Variants in PTPN6 observed in about 807,000 individuals in gnomAD.
The protein encoded by PTPN6 is protein tyrosine phosphatase non-receptor type 6.
PTPN6 carries 18 observed loss-of-function variants against 81.5 expected under a neutral mutation model. The ratio of observed to expected loss-of-function variants is 0.22; its 90% CI spans 0.15 to 0.33. The LOEUF is 0.33. Ranked by LOEUF, PTPN6 falls within the 10% of genes least tolerant of loss-of-function variation. PTPN6 has a pLI of 1.00. For synonymous variants in PTPN6, 301 were observed against 310.9 expected, an observed-to-expected ratio of 0.97 and a Z score of 0.33; for missense variants, 500 against 794.2, an observed-to-expected ratio of 0.63 and a Z score of 4.45.
At position 6,956,239 on chromosome 12, in the gene PTPN6, CGT is replaced by C; in HGVS notation, c.924+20_924+21del. ...ACATCAAGGTCAGCAGTGTGGGCCACGTGGGAGGAGAGGCTGGGCCCTGGGAA... is the reference window on the plus strand; with the variant it reads ...ACATCAAGGTCAGCAGTGTGGGCCACGGGAGGAGAGGCTGGGCCCTGGGAA... On this transcript the variant is annotated intron_variant, in intron 8 of 15. Transcript: ENST00000318974. This position sits in a 1 kb window ranked among gnomAD's most constrained non-coding sequence, Gnocchi z 4.1. The C allele has an allele frequency of 6.2e-7, 1 of 1,613,484 alleles. No individual in the cohort carries two copies. Among genetic ancestry groups the C allele is most frequent in the Non-Finnish European group, 8.5e-7 (1 of 1,179,416 alleles).
chr12:6,947,505 A>G (rs1945845817), upstream of PTPN6, among the ~76,000 whole-genome samples: 1 of 151,968 alleles, frequency 6.6e-6, no homozygotes, highest in Non-Finnish European at 1.5e-5. Flanking sequence ...CCCTGTCTCT[A>G]CAAAAAATAA....
rs782463859 is a variant in PTPN6 at position 6,960,924 on chromosome 12, G to T, written c.*4G>T. On this transcript the variant is annotated 3_prime_UTR_variant, in exon 15 of 16. Transcript: ENST00000318974. The surrounding 1 kb of genome is among the most constrained non-coding windows in gnomAD (Gnocchi z 6.1). ...GGGTTCCCTCAAGAGGAAGTGAGCG[G>T]TGCTGTCCTCAGGTGGCCATGGTAC... The T allele has an allele frequency of 6.4e-7, 1 of 1,562,236 alleles. No individual in the cohort carries two copies. Among genetic ancestry groups the T allele is most frequent in the South Asian group, 1.2e-5 (1 of 84,946 alleles).
chr12:6,956,715 C>T lies in PTPN6; in HGVS notation c.1074+147C>T, dbSNP rs1262841464. 1.2e-5 allele frequency: 13 copies of T among 1,097,544 alleles called. No homozygotes were observed. Among genetic ancestry groups the T allele is most frequent in the African/African-American group, 1.6e-5 (1 of 64,458 alleles). The allele number at this position is 1,097,544 out of a possible 1,614,324, so 68.0% of individuals were successfully genotyped here. ...AAACTGAGGGCTAGTGACAAAGTCTCGACTACACAACGTGACCCCCAGATC... is the reference window on the plus strand; with the variant it reads ...AAACTGAGGGCTAGTGACAAAGTCTTGACTACACAACGTGACCCCCAGATC... On this transcript the variant is annotated intron_variant, in intron 9 of 15. Coordinates refer to ENST00000318974, the MANE Select transcript of PTPN6 (RefSeq NM_002831.6). This position sits in a 1 kb window ranked among gnomAD's most constrained non-coding sequence, Gnocchi z 4.1.
chr12:6,961,194 A>G lies in PTPN6; in HGVS notation c.*94A>G. 3 of 524,460 alleles carry G rather than the reference A, an allele frequency of 5.7e-6. No individual in the cohort carries two copies. The highest frequency in any genetic ancestry group is 1.0e-5 in the Non-Finnish European group (3 of 295,398). 32.5% of individuals were successfully genotyped at this position (524,460 alleles called of 1,614,324 possible). On this transcript the variant is annotated 3_prime_UTR_variant, in exon 16 of 16. Coordinates refer to ENST00000318974, the MANE Select transcript of PTPN6 (RefSeq NM_002831.6). Reference sequence around the variant, plus strand: ...CACAACCTGAACCTAGGAGTGCCCCATTCTTTTGTAATTTAAATGGCTGCA... The same window carrying G: ...CACAACCTGAACCTAGGAGTGCCCCGTTCTTTTGTAATTTAAATGGCTGCA...
rs782407525 is a variant in PTPN6, at chr12:6,951,857, C to T, written c.131+126C>T. 1.3e-5 allele frequency: 21 copies of T among 1,568,552 alleles called. No homozygotes were observed. The highest frequency in any genetic ancestry group is 3.4e-5 in the Admixed American group (2 of 59,154). On this transcript the variant is annotated intron_variant, in intron 2 of 15. Transcript: ENST00000318974. The surrounding 1 kb of genome is among the most constrained non-coding windows in gnomAD (Gnocchi z 7.2). ...CCGTCTGTTCCCTTGCCCCCAACCC[C>T]CACACTCCCCATCCCTGTCTGTGCC...
upstream of PTPN6, chr12:6,951,217 G>A: frequency 1.4e-6 from 2 of 1,417,076 alleles, no homozygotes; most frequent in East Asian, 5.2e-5. The surrounding 1 kb of genome is among the most constrained non-coding windows in gnomAD (Gnocchi z 7.2). Context: ...TGTGGGAAGT[G>A]GGCCCCGTCC....
Position 6,951,720 on chromosome 12 carries a change from G to C in PTPN6, c.120G>C (p.Ser40=), listed in dbSNP as rs1555147777. 1 of 1,612,510 alleles carries C rather than the reference G, an allele frequency of 6.2e-7. No homozygotes were observed. The highest frequency in any genetic ancestry group is 1.3e-5 in the African/African-American group (1 of 74,832). ...GTCGCAAGAACCAGGGTGACTTCTC[G>C]CTCTCCGTCAGGTAGGTGGGCCCCC... ...RPSRKNQGDF[S]LSVRVGDQVT... The change falls in exon 2 of 16, where the codon TCG becomes TCC. Residue 40 remains serine (S), a synonymous_variant. Coordinates refer to ENST00000318974, the MANE Select transcript of PTPN6 (RefSeq NM_002831.6). This position sits in a 1 kb window ranked among gnomAD's most constrained non-coding sequence, Gnocchi z 7.2.
chr12:6,951,498 C>T lies in PTPN6; in HGVS notation c.-15C>T, dbSNP rs1555147710. ...CTCATTCCCTGCGCCCCCTTCCTCT[C>T]CGGAAGCCCCCAGGATGGTGAGGTA... On this transcript the variant is annotated 5_prime_UTR_variant, in exon 1 of 16. Transcript: ENST00000318974. This position sits in a 1 kb window ranked among gnomAD's most constrained non-coding sequence, Gnocchi z 7.2. 6.2e-7 allele frequency: 1 copy of T among 1,613,916 alleles called. No individual in the cohort carries two copies. The highest frequency in any genetic ancestry group is 1.3e-5 in the African/African-American group (1 of 75,046).
At position 6,955,605 on chromosome 12, in the gene PTPN6, C is replaced by A; in HGVS notation, c.748-55C>A. 6.3e-7 allele frequency: 1 copy of A among 1,589,556 alleles called. No homozygotes were observed. The highest frequency in any genetic ancestry group is 8.6e-7 in the Non-Finnish European group (1 of 1,158,050). On this transcript the variant is annotated intron_variant, in intron 6 of 15. Coordinates refer to ENST00000318974, the MANE Select transcript of PTPN6 (RefSeq NM_002831.6). This position sits in a 1 kb window ranked among gnomAD's most constrained non-coding sequence, Gnocchi z 7.2. ...CTCCTGACCCACCCCACGTGAGCTC[C>A]CCCGATGGATGCCCTCTTTGGGAGC...
chr12:6,960,146 G>A lies in PTPN6; in HGVS notation c.1488G>A (p.Ser496=), dbSNP rs200112594. ...TCCAGATGGTGCGGGCGCAGCGCTC[G>A]GGCATGGTGCAGACGGAGGCGCAGT... The part of the protein sequence containing the change: ...KTIQMVRAQR[S]GMVQTEAQYK... The change falls in exon 13 of 16, where the codon TCG becomes TCA. Residue 496 remains serine (S), a synonymous_variant. Coordinates refer to ENST00000318974, the MANE Select transcript of PTPN6 (RefSeq NM_002831.6). This position sits in a 1 kb window ranked among gnomAD's most constrained non-coding sequence, Gnocchi z 6.1. 5.3e-5 allele frequency: 85 copies of A among 1,613,698 alleles called. No homozygotes were observed. In the East Asian group the frequency reaches 1.5e-3, roughly 28 times the overall value.
chr12:6,947,225 G>A (rs1473814326), upstream of PTPN6, among the ~76,000 whole-genome samples: 1 of 152,152 alleles, frequency 6.6e-6, no homozygotes, highest in Non-Finnish European at 1.5e-5. Context: ...TTATGCACCA[G>A]GTGCTGTTTA....
Position 6,955,523 on chromosome 12 carries a change from G to A in PTPN6, c.747+38G>A. On this transcript the variant is annotated intron_variant, in intron 6 of 15. Transcript: ENST00000318974. This position sits in a 1 kb window ranked among gnomAD's most constrained non-coding sequence, Gnocchi z 7.2. ...GACCGGCAGGGCTGGGGCAGCTGAG[G>A]TGGTGGCAGCGGCCTGGGGCCCCAG... is the stretch of plus-strand genomic sequence containing the variant. 12 of 1,603,906 alleles carry A rather than the reference G, an allele frequency of 7.5e-6. No individual in the cohort carries two copies. The highest frequency in any genetic ancestry group is 1.0e-5 in the Non-Finnish European group (12 of 1,171,376).
At position 6,960,747 on chromosome 12, in the gene PTPN6, T is replaced by TG; in HGVS notation, c.1674-58dup. 1 of 1,551,748 alleles carries TG rather than the reference T, an allele frequency of 6.4e-7. No homozygotes were observed. Among genetic ancestry groups the TG allele is most frequent in the Non-Finnish European group, 8.7e-7 (1 of 1,147,052 alleles). ...GGGGACTGCCAGTGCCGGGTCCCCC[T>TG]GTGCTGTCTCCTGACCTGCACCAAC... On this transcript the variant is annotated intron_variant, in intron 14 of 15. Transcript: ENST00000318974. This position sits in a 1 kb window ranked among gnomAD's most constrained non-coding sequence, Gnocchi z 6.1.
rs782721152 is a variant in PTPN6 at position 6,956,582 on chromosome 12, C to T, written c.1074+14C>T. 542 of 1,611,060 alleles carry T rather than the reference C, an allele frequency of 3.4e-4. No homozygotes were observed. Among genetic ancestry groups the T allele is most frequent in the Non-Finnish European group, 4.3e-4 (506 of 1,179,956 alleles). ...GAGAAAGGCCGGGTAGGGCGCCCCC[C>T]CTTCCCCGCATCCGCCCCCGTGCTT... On this transcript the variant is annotated intron_variant, in intron 9 of 15. Coordinates refer to ENST00000318974, the MANE Select transcript of PTPN6 (RefSeq NM_002831.6). The surrounding 1 kb of genome is among the most constrained non-coding windows in gnomAD (Gnocchi z 4.1).
At position 6,960,489 on chromosome 12, in the gene PTPN6, C is replaced by T. The variant is rs782308749; in HGVS notation, c.1673+54C>T. ...CATCCACCCCTTTGTCCTGCCCAGC[C>T]CGATCCTCACTTTCTGGAGAGGACA... On this transcript the variant is annotated intron_variant, in intron 14 of 15. Transcript: ENST00000318974. The surrounding 1 kb of genome is among the most constrained non-coding windows in gnomAD (Gnocchi z 6.1). The T allele has an allele frequency of 3.2e-6, 5 of 1,572,550 alleles. No individual in the cohort carries two copies. Among genetic ancestry groups the T allele is most frequent in the Non-Finnish European group, 4.4e-6 (5 of 1,146,922 alleles).
rs782451950 is a variant in PTPN6, at chr12:6,960,137, G to C, written c.1479G>C (p.Ala493=). ...AGAAGACCATCCAGATGGTGCGGGC[G>C]CAGCGCTCGGGCATGGTGCAGACGG... is the stretch of plus-strand genomic sequence containing the variant. ...DIQKTIQMVR[A]QRSGMVQTEA... The change falls in exon 13 of 16, where the codon GCG becomes GCC. Residue 493 remains alanine (A), a synonymous_variant. Transcript: ENST00000318974. This position sits in a 1 kb window ranked among gnomAD's most constrained non-coding sequence, Gnocchi z 6.1. 1 of 1,613,734 alleles carries C rather than the reference G, an allele frequency of 6.2e-7. No individual in the cohort carries two copies. Among genetic ancestry groups the C allele is most frequent in the Non-Finnish European group, 8.5e-7 (1 of 1,180,002 alleles).
Position 6,957,851 on chromosome 12 carries a change from C to G in PTPN6, c.1206+66C>G, listed in dbSNP as rs1224849170. On this transcript the variant is annotated intron_variant, in intron 10 of 15. Coordinates refer to ENST00000318974, the MANE Select transcript of PTPN6 (RefSeq NM_002831.6). This position sits in a 1 kb window ranked among gnomAD's most constrained non-coding sequence, Gnocchi z 6.5. ...CCCTGGACTTGTTCTCCTCTCTGGT[C>G]GGGTAGGGTGAGATGGATGAGGTGT... 7.4e-6 allele frequency: 12 copies of G among 1,613,762 alleles called. No individual in the cohort carries two copies. The East Asian group carries it at 2.2e-4, about 30-fold the overall frequency.
chr12:6,955,408 G>A lies in PTPN6; in HGVS notation c.670G>A (p.Glu224Lys). Residue 224 changes from glutamate to lysine, a missense_variant, in exon 6 of 16, where the codon GAG becomes AAG. Transcript: ENST00000318974. This position sits in a 1 kb window ranked among gnomAD's most constrained non-coding sequence, Gnocchi z 7.2. The part of the protein sequence containing the change: ...YATRVNAADI[E>K]NRVLELNKKQ... ...CACGAGGGTGAATGCGGCTGACATT[G>A]AGAACCGAGTGTTGGAACTGAACAA... 3 of 1,614,138 alleles carry A rather than the reference G, an allele frequency of 1.9e-6. No homozygotes were observed. The highest frequency in any genetic ancestry group is 2.2e-5 in the South Asian group (2 of 91,068).
rs1320596568 is a variant in PTPN6, at chr12:6,957,299, C to T, written c.1075-355C>T. Among the ~76,000 whole-genome samples, 2 of 152,220 alleles carry T rather than the reference C, an allele frequency of 1.3e-5. No homozygotes were observed. Among genetic ancestry groups the T allele is most frequent in the South Asian group, 2.1e-4 (1 of 4,832 alleles). ...TCTTTCCCAGCCACGCTCCTCAGCG[C>T]GGTGTCTCCCCCGGTCACCTGTCTC... On this transcript the variant is annotated intron_variant, in intron 9 of 15. Transcript: ENST00000318974. The surrounding 1 kb of genome is among the most constrained non-coding windows in gnomAD (Gnocchi z 6.5).
Sources: gnomAD v4.1 joint callset for allele counts (sites outside exome capture counted in the v4.1 genomes callset) on GRCh38, gnomAD v4.1.1 for gene constraint, Gnocchi (gnomAD v3.1) non-coding constraint, MANE v1.5 for transcripts, NCBI Gene and HGNC (gene_info 2026-07-23, HGNC 2026-07-21) for gene names.